Variants in DPF3 observed in about 807,000 individuals in gnomAD.
DPF3 encodes double PHD fingers 3.
DPF3 carries 18 observed loss-of-function variants against 56.8 expected under a neutral mutation model. That is an observed-to-expected ratio of 0.32 (90% CI 0.22 to 0.47). The LOEUF (loss-of-function observed/expected upper bound fraction) is 0.47, where lower values mean the gene tolerates loss of function less well. Ranked by LOEUF, DPF3 falls within the 20% of genes least tolerant of loss-of-function variation. The pLI is 1.00. For synonymous variants in DPF3, 188 were observed against 180.2 expected (o/e 1.04, Z -0.35); for missense variants, 403 against 488.8 (o/e 0.82, Z 1.65).
rs145502739 is a variant in DPF3 at position 72,671,846 on chromosome 14, C to T, written c.871+2394G>A. Among the ~76,000 whole-genome samples, 743 of 152,316 alleles carry T rather than the reference C, an allele frequency of 4.9e-3. 7 individuals carry two copies. The highest frequency in any genetic ancestry group is 0.016 in the African/African-American group (662 of 41,558). On this transcript the variant is annotated intron_variant, in intron 8 of 10. Transcript: ENST00000556509. Reference sequence around the variant, plus strand: ...ATCTATTTCATTTTTATTTTACCCGCTTCTAATCCCATTCTTTCAGAACCC... The same window carrying T: ...ATCTATTTCATTTTTATTTTACCCGTTTCTAATCCCATTCTTTCAGAACCC...
intron 9 of DPF3, among the ~76,000 whole-genome samples, chr14:72,621,539 G>A (rs185646888): frequency 2.2e-4 from 34 of 152,310 alleles, no homozygotes; most frequent in East Asian, 1.7e-3. Flanking sequence ...GCTAAAACCC[G>A]TCAGTGGGGC....
intron 1 of DPF3, among the ~76,000 whole-genome samples, chr14:72,830,469 G>A (rs1398317639): frequency 6.6e-6 from 1 of 152,206 alleles, no homozygotes; most frequent in African/African-American, 2.4e-5. Context: ...TTTGAAATCA[G>A]ACTTGAACTC....
intron 1 of DPF3, among the ~76,000 whole-genome samples, chr14:72,830,092 A>G (rs2140050499): frequency 6.6e-6 from 1 of 152,350 alleles, no homozygotes; most frequent in African/African-American, 2.4e-5. Flanking sequence ...GGAGCGTTCA[A>G]TGTGGTCTTG....
chr14:72,759,835 G>A (rs575520012), intron 2 of DPF3, among the ~76,000 whole-genome samples: 23 of 152,050 alleles, frequency 1.5e-4, no homozygotes, highest in Non-Finnish European at 3.2e-4. Flanking sequence ...TCTTTGCAAT[G>A]CAAGCAAGAA....
chr14:72,647,037 C>T (rs562798704), intron 8 of DPF3, among the ~76,000 whole-genome samples: 2 of 152,274 alleles, frequency 1.3e-5, no homozygotes, highest in East Asian at 1.9e-4. Flanking sequence ...TATAATGCAG[C>T]GTGTGGAACC....
intron 8 of DPF3, among the ~76,000 whole-genome samples, chr14:72,667,610 C>T (rs751345011): frequency 2.0e-5 from 3 of 152,140 alleles, no homozygotes; most frequent in Non-Finnish European, 2.9e-5. Context: ...CCTACAATTC[C>T]TAAGGTCACA....
At chr14:72,645,436 C>T (rs193262087) in intron 8 of DPF3, among the ~76,000 whole-genome samples, 21 of 152,188 alleles carry the variant, frequency 1.4e-4, no homozygotes, top group African/African-American at 4.1e-4. Flanking sequence ...GTCCCCCTAC[C>T]TGCCTCCCCC....
intron 8 of DPF3, among the ~76,000 whole-genome samples, chr14:72,649,629 C>T (rs985191063): frequency 4.7e-5 from 6 of 128,024 alleles, no homozygotes; most frequent in African/African-American, 1.2e-4. Flanking sequence ...TTAAAAGATG[C>T]AGAAACTCAA....
intron 1 of DPF3, among the ~76,000 whole-genome samples, chr14:72,774,625 C>T (rs1393003689): frequency 2.7e-5 from 4 of 149,620 alleles, no homozygotes; most frequent in Non-Finnish European, 5.9e-5. Flanking sequence ...GACAAGCATC[C>T]AAAAAAAAAC....
chr14:72,687,432 TTTAAG>T (rs1171556951), intron 7 of DPF3, among the ~76,000 whole-genome samples: 1 of 152,224 alleles, frequency 6.6e-6, no homozygotes, highest in Non-Finnish European at 1.5e-5. Context: ...ACAGATGTTT[TTTAAG>T]TTATTTGTTT....
chr14:72,709,446 C>T (rs1043525405), intron 6 of DPF3, among the ~76,000 whole-genome samples: 1 of 152,152 alleles, frequency 6.6e-6, no homozygotes, highest in African/African-American at 2.4e-5. Flanking sequence ...TCCTTCCATC[C>T]TACTTCAATT....
intron 3 of DPF3, among the ~76,000 whole-genome samples, chr14:72,738,406 T>C (rs1012990944): frequency 9.9e-5 from 15 of 152,048 alleles, no homozygotes; most frequent in African/African-American, 7.2e-5. Flanking sequence ...CTGCTGCACC[T>C]ACCCTCTCAC....
chr14:72,649,643 T>G (rs1165484974), intron 8 of DPF3, among the ~76,000 whole-genome samples: 1 of 118,066 alleles, frequency 8.5e-6, no homozygotes, highest in Non-Finnish European at 1.6e-5. Context: ...AACTCAATTG[T>G]CTCACTCATC....
At chr14:72,665,367 A>ATATC (rs1437197290) in intron 8 of DPF3, among the ~76,000 whole-genome samples, 1 of 152,246 alleles carries the variant, frequency 6.6e-6, no homozygotes, top group Non-Finnish European at 1.5e-5. Context: ...GAACCGAGGT[A>ATATC]TATCTGAATG....
intron 3 of DPF3, among the ~76,000 whole-genome samples, chr14:72,734,959 C>G (rs1241563235): frequency 2.0e-5 from 3 of 152,172 alleles, no homozygotes; most frequent in Non-Finnish European, 4.4e-5. Flanking sequence ...CCACTACACC[C>G]AAGAGCACAG....
chr14:72,824,208 A>G (rs2191822), intron 1 of DPF3, among the ~76,000 whole-genome samples: 146,061 of 152,258 alleles, frequency 0.96, 70,121 homozygotes, highest in East Asian at 1. Context: ...TGTCTGCCCC[A>G]AGCCCAGCCC....
intron 6 of DPF3, among the ~76,000 whole-genome samples, chr14:72,701,113 C>T (rs556548356): frequency 4.5e-4 from 69 of 152,358 alleles, no homozygotes; most frequent in South Asian, 4.4e-3. Context: ...GCCCCAGGAG[C>T]GCTGAAGCAG....
chr14:72,689,497 G>A (rs531276093), intron 7 of DPF3, among the ~76,000 whole-genome samples: 1 of 152,268 alleles, frequency 6.6e-6, no homozygotes, highest in Admixed American at 6.5e-5. Context: ...CTCACCAAGG[G>A]AGGATCACGA....
At chr14:72,636,223 T>C (rs957619645) in intron 8 of DPF3, among the ~76,000 whole-genome samples, 7 of 152,208 alleles carry the variant, frequency 4.6e-5, no homozygotes, top group African/African-American at 1.7e-4. Flanking sequence ...AAATTTCAAA[T>C]AGTTCTCTAT....
Sources: gnomAD v4.1 joint callset for allele counts (sites outside exome capture counted in the v4.1 genomes callset) on GRCh38, gnomAD v4.1.1 for gene constraint, MANE v1.5 for transcripts, NCBI Gene and HGNC (gene_info 2026-07-23, HGNC 2026-07-21) for gene names.